The following AOPEP variants were observed in gnomAD, a reference collection of about 807,000 sequenced individuals.
AOPEP encodes aminopeptidase O.
In AOPEP, 77 loss-of-function variants were observed where a neutral mutation model predicts 98.1. The ratio of observed to expected loss-of-function variants is 0.78; its 90% CI spans 0.65 to 0.95. AOPEP has a LOEUF of 0.95. Among genes scored for constraint, AOPEP ranks in the 40% least tolerant of loss-of-function variants. The probability of loss-of-function intolerance (pLI) is 0.00; values close to 1 mark genes in which losing one functional copy is unlikely to be tolerated. For synonymous variants in AOPEP, 346 were observed against 365.3 expected (o/e 0.95, Z 0.60); for missense variants, 1,024 against 1,024.7 (o/e 1.00, Z 0.01).
At chr9:94,727,266 T>A (rs772353927) in intron 1 of AOPEP, among the ~76,000 whole-genome samples, 3 of 152,240 alleles carry the variant, frequency 2.0e-5, no homozygotes, top group Non-Finnish European at 2.9e-5. Flanking sequence ...ACTGTTAGTC[T>A]GGAGTTTTGT....
At chr9:95,131,452 C>T in the AOPEP span, among the ~76,000 whole-genome samples, 2 of 152,202 alleles carry the variant, frequency 1.3e-5, no homozygotes, top group African/African-American at 4.8e-5. Flanking sequence ...AGGTCTGCAT[C>T]CCCAACTGCA....
intron 3 of AOPEP, among the ~76,000 whole-genome samples, chr9:94,791,584 A>G (rs761583337): frequency 1.4e-4 from 21 of 152,150 alleles, no homozygotes; most frequent in Middle Eastern, 3.4e-3. Flanking sequence ...TGGGAGAATC[A>G]CTTGAGACAT....
At chr9:95,138,792 C>T in the AOPEP span, among the ~76,000 whole-genome samples, 1 of 152,184 alleles carries the variant, frequency 6.6e-6, no homozygotes, top group Non-Finnish European at 1.5e-5. Context: ...AATGAAGAAC[C>T]GACCCATCCT....
intron 10 of AOPEP, among the ~76,000 whole-genome samples, chr9:94,969,557 G>A (rs1395442891): frequency 1.3e-5 from 2 of 151,698 alleles, no homozygotes; most frequent in Admixed American, 6.6e-5. Context: ...ATAGGCGCCC[G>A]CCACCACGCC....
intron 11 of AOPEP, among the ~76,000 whole-genome samples, chr9:94,999,085 C>A (rs2061405253): frequency 6.6e-6 from 1 of 151,478 alleles, no homozygotes; most frequent in African/African-American, 2.4e-5. Context: ...ATCTTAGAAC[C>A]ATAAGATTTT....
intron 9 of AOPEP, among the ~76,000 whole-genome samples, chr9:94,963,579 T>C (rs1396233824): frequency 2.0e-5 from 3 of 150,318 alleles, no homozygotes; most frequent in Admixed American, 2.0e-4. Context: ...TAGATTTAAA[T>C]AAATCTATTG....
At chr9:95,080,080 G>C (rs1438106393) in intron 14 of AOPEP, among the ~76,000 whole-genome samples, 3 of 152,208 alleles carry the variant, frequency 2.0e-5, no homozygotes, top group Non-Finnish European at 2.9e-5. Context: ...CCAGCAGCCT[G>C]GTCGGAATGT....
At chr9:94,836,324 T>C (rs1190653021) in intron 5 of AOPEP, among the ~76,000 whole-genome samples, 1 of 152,226 alleles carries the variant, frequency 6.6e-6, no homozygotes, top group Non-Finnish European at 1.5e-5. Context: ...TAATACTGCA[T>C]TCCTATCAGC....
intron 5 of AOPEP, among the ~76,000 whole-genome samples, chr9:94,882,811 C>A (rs1198716406): frequency 6.6e-6 from 1 of 152,056 alleles, no homozygotes; most frequent in Non-Finnish European, 1.5e-5. Context: ...AAATAAAAAC[C>A]AAACTTCCCT....
At chr9:95,059,687 C>CTGTT (rs1055385169) in intron 13 of AOPEP, among the ~76,000 whole-genome samples, 12 of 152,118 alleles carry the variant, frequency 7.9e-5, no homozygotes, top group African/African-American at 2.7e-4. Context: ...TATGAATGTA[C>CTGTT]TGTTGACTTG....
chr9:94,826,784 G>T (rs889974837), intron 5 of AOPEP, among the ~76,000 whole-genome samples: 1 of 152,148 alleles, frequency 6.6e-6, no homozygotes, highest in African/African-American at 2.4e-5. Flanking sequence ...TATTAGTGGA[G>T]GTGGTGATGG....
chr9:95,009,928 T>C (rs1443308131), intron 13 of AOPEP, among the ~76,000 whole-genome samples: 3 of 151,902 alleles, frequency 2.0e-5, no homozygotes, highest in African/African-American at 7.3e-5. Context: ...GTTTTCCAAG[T>C]CTTTTAAGTG....
chr9:95,024,014 G>A (rs2063658057), intron 13 of AOPEP, among the ~76,000 whole-genome samples: 2 of 152,168 alleles, frequency 1.3e-5, no homozygotes, highest in Admixed American at 6.5e-5. Context: ...AAAGCTCAGT[G>A]GACCGACACT....
the AOPEP span, chr9:95,114,515 G>C: frequency 3.2e-5 from 30 of 938,160 alleles, no homozygotes; most frequent in Non-Finnish European, 5.1e-5. Flanking sequence ...TCACCTGTTT[G>C]GTGATGGTCC....
rs77235494 is a variant in AOPEP, at chr9:94,857,286, G to A, written c.1364+56284G>A. Among the ~76,000 whole-genome samples, 1,112 of 152,136 alleles carry A rather than the reference G, an allele frequency of 7.3e-3. 15 individuals are homozygous for A. The highest frequency in any genetic ancestry group is 0.026 in the African/African-American group (1,072 of 41,490). On this transcript the variant is annotated intron_variant, in intron 5 of 16. Coordinates refer to ENST00000375315, the MANE Select transcript of AOPEP (RefSeq NM_001193329.3). ...TTCTCTTATAGCAGTTCTTATGATC[G>A]TCATTTCTTCAACCATGTTTTAACT...
intron 9 of AOPEP, 65 bp from the exon 10 acceptor site, chr9:94,967,693 G>T: frequency 7.2e-7 from 1 of 1,390,194 alleles, no homozygotes; most frequent in Non-Finnish European, 1.0e-6. Context: ...TCAGCCTCTG[G>T]CATGGTTCCA....
In AOPEP at chr9:94,760,313, C is replaced by T. The variant is rs1490548305; in HGVS notation, c.530C>T (p.Thr177Met). ...AAATTTACAAGGTCTCCTGAGCTCA[C>T]GGTTGTTTCTGAGGAGTTCAGGAAT... ...LEKFTRSPEL[T>M]VVSEEFRNQI... Residue 177 changes from threonine (T) to methionine (M), a missense_variant, in exon 2 of 17, where the codon ACG becomes ATG. Coordinates refer to ENST00000375315, the MANE Select transcript of AOPEP (RefSeq NM_001193329.3). 6.2e-6 allele frequency: 10 copies of T among 1,614,150 alleles called. No homozygotes were observed. Among genetic ancestry groups the T allele is most frequent in the African/African-American group, 1.3e-5 (1 of 75,016 alleles).
At chr9:95,038,913 G>A (rs759238821) in intron 13 of AOPEP, among the ~76,000 whole-genome samples, 1 of 152,108 alleles carries the variant, frequency 6.6e-6, no homozygotes, top group African/African-American at 2.4e-5. Flanking sequence ...TGGGACTTAC[G>A]GATAACCTCG....
chr9:95,005,254 TGGCGCC>T (rs961374935), intron 12 of AOPEP, 34 bp downstream of exon 12: 1 of 1,060,366 alleles, frequency 9.4e-7, no homozygotes, highest in African/African-American at 1.7e-5. Flanking sequence ...TGCGCCCCGG[TGGCGCC>T]GGCGCGAGAC....
Sources: gnomAD v4.1 joint callset for allele counts (sites outside exome capture counted in the v4.1 genomes callset) on GRCh38, gnomAD v4.1.1 for gene constraint, MANE v1.5 for transcripts, NCBI Gene and HGNC (gene_info 2026-07-23, HGNC 2026-07-21) for gene names.